The following SLIT3 variants were observed in gnomAD, a reference collection of about 807,000 sequenced individuals.
SLIT3 encodes the protein slit guidance ligand 3, also known as slit homolog 3 protein.
SLIT3 carries 68 observed loss-of-function variants against 184.0 expected under a neutral mutation model. The observed-to-expected ratio is 0.37, with a 90% CI of 0.30 to 0.45. The LOEUF is 0.45. SLIT3 is among the 20% of genes least tolerant of loss of function. The pLI, the probability that SLIT3 is intolerant of heterozygous loss-of-function variation, is 1.00. For missense variants in SLIT3, 1,707 were observed against 2,026.0 expected, an observed-to-expected ratio of 0.84 and a Z score of 3.02; for synonymous variants, 831 against 828.6, an observed-to-expected ratio of 1.00 and a Z score of -0.05.
intron 4 of SLIT3, among the ~76,000 whole-genome samples, chr5:169,077,415 T>G (rs539932351): frequency 5.8e-4 from 88 of 152,082 alleles, no homozygotes; most frequent in African/African-American, 2.1e-3. Context: ...GGCTGGTGCC[T>G]GTAATCCCAG....
intron 4 of SLIT3, among the ~76,000 whole-genome samples, chr5:168,964,044 C>T (rs1377813858): frequency 6.6e-6 from 1 of 152,062 alleles, no homozygotes; most frequent in Non-Finnish European, 1.5e-5. Context: ...GAAGGCAGCC[C>T]AAATGGACAG....
intron 4 of SLIT3, among the ~76,000 whole-genome samples, chr5:168,889,146 C>G (rs1760340588): frequency 6.6e-6 from 1 of 152,164 alleles, no homozygotes; most frequent in Admixed American, 6.5e-5. Flanking sequence ...GACAAACATG[C>G]AGGAAAAATT....
chr5:168,789,164 G>A (rs920003390), intron 11 of SLIT3, among the ~76,000 whole-genome samples: 2 of 151,540 alleles, frequency 1.3e-5, no homozygotes, highest in African/African-American at 4.9e-5. Flanking sequence ...AGAAGAAAAC[G>A]AGCTCTTCCC....
intron 4 of SLIT3, among the ~76,000 whole-genome samples, chr5:168,931,064 C>T (rs1019081671): frequency 1.3e-5 from 2 of 152,168 alleles, no homozygotes; most frequent in African/African-American, 2.4e-5. Context: ...CGGCCCAACA[C>T]CCTCCTGGTC....
At chr5:168,830,715 A>G (rs1757854654) in intron 6 of SLIT3, among the ~76,000 whole-genome samples, 1 of 152,260 alleles carries the variant, frequency 6.6e-6, no homozygotes, top group Non-Finnish European at 1.5e-5. Flanking sequence ...AGGAAATGAC[A>G]TAAACTCTGC....
intron 4 of SLIT3, among the ~76,000 whole-genome samples, chr5:168,953,715 C>T (rs1213759872): frequency 6.6e-6 from 1 of 152,214 alleles, no homozygotes; most frequent in African/African-American, 2.4e-5. Context: ...GTGGCAGATG[C>T]TTGATATAGC....
chr5:169,265,185 C>T (rs939589009), intron 1 of SLIT3, among the ~76,000 whole-genome samples: 2 of 131,144 alleles, frequency 1.5e-5, no homozygotes, highest in African/African-American at 2.9e-5. Flanking sequence ...ACAAACAAAA[C>T]GTACAACTAG....
chr5:168,828,858 C>T (rs2113681602), intron 6 of SLIT3, among the ~76,000 whole-genome samples: 1 of 152,156 alleles, frequency 6.6e-6, no homozygotes, highest in Non-Finnish European at 1.5e-5. Context: ...ACGGAAAAAG[C>T]TAAGAATAGA....
intron 17 of SLIT3, 136 bp downstream of exon 17, chr5:168,753,728 T>C: frequency 9.6e-7 from 1 of 1,044,806 alleles, no homozygotes. Flanking sequence ...GTCTGATGAC[T>C]CTGACTCCAG....
At chr5:168,728,614 T>G (rs1763206702) in intron 20 of SLIT3, among the ~76,000 whole-genome samples, 1 of 151,654 alleles carries the variant, frequency 6.6e-6, no homozygotes, top group Non-Finnish European at 1.5e-5. Flanking sequence ...GACACAGACA[T>G]CTTAAAAAAA....
At chr5:168,924,493 G>GGTGTGTGTGTGTGTGT (rs533742883) in intron 4 of SLIT3, among the ~76,000 whole-genome samples, 2 of 140,550 alleles carry the variant, frequency 1.4e-5, no homozygotes, top group African/African-American at 5.9e-5. Flanking sequence ...GGTGTGTAAG[G>GGTGTGTGTGTGTGTGT]GTGTGTGTGT....
intron 4 of SLIT3, among the ~76,000 whole-genome samples, chr5:169,182,755 T>C (rs1763208373): frequency 1.3e-5 from 2 of 152,232 alleles, no homozygotes. Context: ...TTTTTCTATA[T>C]ACAATGCAGT....
chr5:168,987,388 T>G (rs1165473808), intron 4 of SLIT3, among the ~76,000 whole-genome samples: 1 of 152,238 alleles, frequency 6.6e-6, no homozygotes. Context: ...TCTAGCAGTA[T>G]AGCCTAGTGG....
rs377068337 is a variant in SLIT3, at chr5:168,949,656, G to A, written c.414-66320C>T. ...CTGTGTCGCCCAGGCTAGAGTGCAT[G>A]GCGCGAGATTACGGCTCACTGCAGC... On this transcript the variant is annotated intron_variant, in intron 4 of 35. Coordinates refer to ENST00000519560, the MANE Select transcript of SLIT3 (RefSeq NM_003062.4). Among the ~76,000 whole-genome samples the A allele has an allele frequency of 4.1e-4, 63 of 152,256 alleles. 1 individual carries two copies. The East Asian group carries it at 6.6e-3, about 16-fold the overall frequency.
intron 4 of SLIT3, among the ~76,000 whole-genome samples, chr5:169,003,731 C>CA (rs1554089274): frequency 6.6e-6 from 1 of 152,204 alleles, no homozygotes; most frequent in Non-Finnish European, 1.5e-5. Flanking sequence ...AGGGGACTCT[C>CA]TTTTTTTCCT....
rs181557611 is a variant in SLIT3, at chr5:169,172,106, C to T, written c.413+21373G>A. 1.2e-3 allele frequency among the ~76,000 whole-genome samples: 184 copies of T among 152,170 alleles called. 1 individual carries two copies. Among genetic ancestry groups the T allele is most frequent in the South Asian group, 0.011 (55 of 4,812 alleles). On this transcript the variant is annotated intron_variant, in intron 4 of 35. Transcript: ENST00000519560. ...TTTCAACTTTAGTGGATAAAAGGTC[C>T]TGGAGAGGAAAATGGGTGCTACAAA...
chr5:168,785,483 C>T (rs1272309272), intron 12 of SLIT3, among the ~76,000 whole-genome samples: 2 of 152,252 alleles, frequency 1.3e-5, no homozygotes, highest in Non-Finnish European at 2.9e-5. Context: ...CTGCCCCGAC[C>T]CCTCTTCAAG....
At chr5:169,243,384 T>A (rs945531757) in intron 3 of SLIT3, among the ~76,000 whole-genome samples, 5 of 152,224 alleles carry the variant, frequency 3.3e-5, no homozygotes, top group Admixed American at 3.3e-4. Context: ...AGAACTTGAG[T>A]GTTAAGAAAC....
intron 27 of SLIT3, among the ~76,000 whole-genome samples, chr5:168,698,379 T>C (rs1762120646): frequency 6.6e-6 from 1 of 151,876 alleles, no homozygotes. Flanking sequence ...TAAAAGAAGA[T>C]GGTCATGGGA....
Sources: allele counts gnomAD v4.1 joint callset (sites outside exome capture counted in the v4.1 genomes callset), GRCh38; gene constraint gnomAD v4.1.1; transcripts MANE v1.5; gene names NCBI Gene and HGNC (gene_info 2026-07-23, HGNC 2026-07-21).